Variants in BTN1A1 observed in about 807,000 individuals in gnomAD.
The protein encoded by BTN1A1 is bK14H9.2 (butyrophilin, subfamily 1, member A1).
In BTN1A1, 26 loss-of-function variants were observed where a neutral mutation model predicts 33.1. The observed-to-expected ratio is 0.79, with a 90% CI of 0.58 to 1.09. The LOEUF is 1.09. Ranked by LOEUF, BTN1A1 falls within the 50% of genes least tolerant of loss-of-function variation. The probability of loss-of-function intolerance (pLI) is 0.00; values close to 1 mark genes in which losing one functional copy is unlikely to be tolerated. For missense variants in BTN1A1, 558 were observed against 655.7 expected (o/e 0.85, Z 1.63); for synonymous variants, 235 against 256.2 (o/e 0.92, Z 0.79).
At position 26,501,370 on chromosome 6, in the gene BTN1A1, G is replaced by GTC. The variant is rs112012632; in HGVS notation, c.79+19_79+20dup. The GTC allele has an allele frequency of 4.6e-3, 7,297 of 1,594,922 alleles. 142 individuals are homozygous for GTC. The highest frequency in any genetic ancestry group is 7.4e-4 in the Non-Finnish European group (858 of 1,165,744). On this transcript the variant is annotated splice_donor_region_variant and intron_variant, in intron 2 of 7. Transcript: ENST00000684113. The surrounding 1 kb of genome is among the most constrained non-coding windows in gnomAD (Gnocchi z 5.2). ...AGCTGCCCAAACTGGATTCAGGTAA[G>GTC]TCTCTCTCTCTCTCTGGGCTGCATA... is the stretch of plus-strand genomic sequence containing the variant.
Position 26,501,854 on chromosome 6 carries a change from G to A in BTN1A1, c.344G>A (p.Arg115Lys), listed in dbSNP as rs1284804698. 3 of 1,610,730 alleles carry A rather than the reference G, an allele frequency of 1.9e-6. No individual in the cohort carries two copies. Among genetic ancestry groups the A allele is most frequent in the Middle Eastern group, 3.3e-4 (2 of 6,046 alleles). Residue 115 changes from arginine to lysine, a missense_variant, in exon 3 of 8, where the codon AGA becomes AAA. Coordinates refer to ENST00000684113, the MANE Select transcript of BTN1A1 (RefSeq NM_001732.3). The surrounding 1 kb of genome is among the most constrained non-coding windows in gnomAD (Gnocchi z 5.2). ...GRVALRIRGVRVSDDGEYTCF... is the reference protein window; with the variant it reads ...GRVALRIRGVKVSDDGEYTCF... ...GTGGCCTTGAGGATCCGTGGCGTCAGAGTCTCTGACGACGGGGAGTACACG... is the reference window on the plus strand; with the variant it reads ...GTGGCCTTGAGGATCCGTGGCGTCAAAGTCTCTGACGACGGGGAGTACACG...
intron 5 of BTN1A1, among the ~76,000 whole-genome samples, chr6:26,507,721 T>TAAAAAAAA (rs1554139273): frequency 3.8e-4 from 56 of 147,932 alleles, no homozygotes; most frequent in African/African-American, 1.2e-3. Context: ...TGAGATTCTA[T>TAAAAAAAA]AAAAAAAAAA....
At position 26,508,185 on chromosome 6, in the gene BTN1A1, A is replaced by G. The variant is rs1581431149; in HGVS notation, c.907+98A>G. On this transcript the variant is annotated intron_variant, in intron 7 of 7. Coordinates refer to ENST00000684113, the MANE Select transcript of BTN1A1 (RefSeq NM_001732.3). ...AAATGAAAACACTAACACTTTAGTG[A>G]TGAGGACAGGAAGGGAAACGGTGAT... 60 of 1,384,524 alleles carry G rather than the reference A, an allele frequency of 4.3e-5. No individual in the cohort carries two copies. In the East Asian group the frequency reaches 1.3e-3, roughly 31 times the overall value. The allele number at this position is 1,384,524 out of a possible 1,614,324, so 85.8% of individuals were successfully genotyped here.
At chr6:26,506,547 G>A (rs1763872273) in intron 4 of BTN1A1, 136 bp from the exon 5 acceptor site, 2 of 857,328 alleles carry the variant, frequency 2.3e-6, no homozygotes, top group African/African-American at 1.7e-5. Flanking sequence ...TGGCATTGGA[G>A]TGACTATTTT....
At position 26,501,922 on chromosome 6, in the gene BTN1A1, C is replaced by A. The variant is rs758554223; in HGVS notation, c.412C>A (p.His138Asn). Residue 138 changes from histidine (H) to asparagine (N), a missense_variant, in exon 3 of 8, where the codon CAT becomes AAT. His to Asn is a moderately conservative substitution (Grantham distance 68). Transcript: ENST00000684113. The surrounding 1 kb of genome is among the most constrained non-coding windows in gnomAD (Gnocchi z 5.2). ...TGGAAGCTACGAAGAAGCCCTGGTG[C>A]ATCTGAAGGTGGCTGGTGAGTAGAC... Reference protein sequence around the residue: ...EDGSYEEALVHLKVAALGSDP... With the variant: ...EDGSYEEALVNLKVAALGSDP... 6.4e-7 allele frequency: 1 copy of A among 1,573,392 alleles called. No homozygotes were observed. Among genetic ancestry groups the A allele is most frequent in the East Asian group, 2.2e-5 (1 of 44,450 alleles).
chr6:26,501,526 T>C lies in BTN1A1; in HGVS notation c.80-64T>C. On this transcript the variant is annotated intron_variant, in intron 2 of 7. Transcript: ENST00000684113. The surrounding 1 kb of genome is among the most constrained non-coding windows in gnomAD (Gnocchi z 5.2). ...GGGGCACTGCGCTTTGGCGGGAATC[T>C]GGTCGGTGTCTGTCCGTAGTTCCCA... is the stretch of plus-strand genomic sequence containing the variant. 1.3e-6 allele frequency: 2 copies of C among 1,599,162 alleles called. No homozygotes were observed. The highest frequency in any genetic ancestry group is 1.7e-6 in the Non-Finnish European group (2 of 1,169,982).
chr6:26,508,217 T>C (rs745841459), intron 7 of BTN1A1, 130 bp downstream of exon 7: 59 of 1,227,934 alleles, frequency 4.8e-5, no homozygotes, highest in Non-Finnish European at 6.6e-5. Context: ...TGATGACAGA[T>C]GGCCTCAACA....
In BTN1A1 at chr6:26,509,222, C is replaced by G; in HGVS notation, c.*48C>G. On this transcript the variant is annotated 3_prime_UTR_variant, in exon 8 of 8. Transcript: ENST00000684113. ...TTCCTTTCCTCTAACCCCTCTCCTC[C>G]ATAGCCTTCTGAGGCTTCACCTGCT... 6.7e-7 allele frequency: 1 copy of G among 1,495,788 alleles called. No individual in the cohort carries two copies. The highest frequency in any genetic ancestry group is 9.1e-7 in the Non-Finnish European group (1 of 1,101,686). The allele number at this position is 1,495,788 out of a possible 1,614,324, so 92.7% of individuals were successfully genotyped here. A position where few individuals can be genotyped will look rare whatever the true frequency, so the allele number is the denominator to read the frequency against.
chr6:26,507,873 T>C, intron 5 of BTN1A1, 77 bp from the exon 6 acceptor site: 1 of 1,425,704 alleles, frequency 7.0e-7, no homozygotes, highest in Non-Finnish European at 9.8e-7. Flanking sequence ...CTCCTTTGTG[T>C]GTTTCCCACA....
intron 1 of BTN1A1, among the ~76,000 whole-genome samples, 192 bp downstream of exon 1, chr6:26,500,550 G>A (rs1021008024): frequency 9.9e-5 from 15 of 151,868 alleles, no homozygotes; most frequent in African/African-American, 3.6e-4. Flanking sequence ...TCATTTCCTT[G>A]GACTCCATTT....
intron 5 of BTN1A1, among the ~76,000 whole-genome samples, chr6:26,507,575 A>G (rs1763886960): frequency 6.6e-6 from 1 of 151,870 alleles, no homozygotes; most frequent in South Asian, 2.1e-4. Context: ...AAAATACAAA[A>G]TTTAGCCAGG....
chr6:26,509,256 C>G lies in BTN1A1; in HGVS notation c.*82C>G. On this transcript the variant is annotated 3_prime_UTR_variant, in exon 8 of 8. Transcript: ENST00000684113. ...CTGAGGCTTCACCTGCTAGCTTTAC[C>G]CAGTCTGTTTCTTCCTGTTGGGTGG... 2.3e-6 allele frequency: 3 copies of G among 1,303,604 alleles called. No individual in the cohort carries two copies. Among genetic ancestry groups the G allele is most frequent in the Non-Finnish European group, 3.2e-6 (3 of 944,228 alleles). 80.8% of individuals were successfully genotyped at this position (1,303,604 alleles called of 1,614,324 possible).
At chr6:26,500,954 T>A (rs1763790623) in intron 1 of BTN1A1, among the ~76,000 whole-genome samples, 2 of 152,274 alleles carry the variant, frequency 1.3e-5, no homozygotes, top group South Asian at 4.1e-4. Flanking sequence ...ACTTTTTTTT[T>A]AGTGCAGTGA....
In BTN1A1 at chr6:26,509,324, AGGGT is replaced by A. The variant is rs1460650739; in HGVS notation, c.*154_*157del. 5 of 765,524 alleles carry A rather than the reference AGGGT, an allele frequency of 6.5e-6. No individual in the cohort carries two copies. In the East Asian group the frequency reaches 1.3e-4, roughly 21 times the overall value. 47.4% of individuals were successfully genotyped at this position (765,524 alleles called of 1,614,324 possible). ...GAAGGTTACATTGCTGCTGCTAGAG[AGGGT>A]GGGGATTGCACCTTCCAAATCTGTT... On this transcript the variant is annotated 3_prime_UTR_variant, in exon 8 of 8. Coordinates refer to ENST00000684113, the MANE Select transcript of BTN1A1 (RefSeq NM_001732.3).
chr6:26,503,062 C>T (rs1763823614), intron 3 of BTN1A1, among the ~76,000 whole-genome samples: 2 of 152,098 alleles, frequency 1.3e-5, no homozygotes, highest in Admixed American at 6.6e-5. Context: ...CAGTGGCCAA[C>T]TCCTATAATC....
chr6:26,507,940 T>G lies in BTN1A1; in HGVS notation c.860-10T>G. 1 of 1,614,116 alleles carries G rather than the reference T, an allele frequency of 6.2e-7. No individual in the cohort carries two copies. Among genetic ancestry groups the G allele is most frequent in the Non-Finnish European group, 8.5e-7 (1 of 1,179,978 alleles). On this transcript the variant is annotated splice_polypyrimidine_tract_variant and intron_variant, in intron 5 of 7. Coordinates refer to ENST00000684113, the MANE Select transcript of BTN1A1 (RefSeq NM_001732.3). ...AGAAAGCCATTGAGGTATTTTTGTT[T>G]GTTTTCCAGAGAGACTCCTGGAAGA... is the stretch of plus-strand genomic sequence containing the variant.
Position 26,501,775 on chromosome 6 carries a change from C to A in BTN1A1, c.265C>A (p.Pro89Thr). ...DGREQEAEQM[P>T]EYRGRATLVQ... Reference sequence around the variant, plus strand: ...GCGCGAGCAGGAAGCCGAGCAGATGCCCGAGTACCGCGGGCGGGCGACGCT... The same window carrying A: ...GCGCGAGCAGGAAGCCGAGCAGATGACCGAGTACCGCGGGCGGGCGACGCT... The change falls in exon 3 of 8, where the codon CCC (proline) becomes ACC (threonine). Residue 89 changes from proline (P) to threonine (T), a missense_variant. Transcript: ENST00000684113. This position sits in a 1 kb window ranked among gnomAD's most constrained non-coding sequence, Gnocchi z 5.2. 6.2e-7 allele frequency: 1 copy of A among 1,613,694 alleles called. No individual in the cohort carries two copies. Among genetic ancestry groups the A allele is most frequent in the Non-Finnish European group, 8.5e-7 (1 of 1,179,954 alleles).
chr6:26,508,455 C>A (rs775105638), intron 7 of BTN1A1, 46 bp from the exon 8 acceptor site: 8 of 1,548,180 alleles, frequency 5.2e-6, no homozygotes, highest in Non-Finnish European at 7.0e-6. Flanking sequence ...AGTCCTGCAA[C>A]CTGTAATATT....
At chr6:26,500,751 C>T (rs1421146534) in intron 1 of BTN1A1, among the ~76,000 whole-genome samples, 1 of 152,044 alleles carries the variant, frequency 6.6e-6, no homozygotes, top group Non-Finnish European at 1.5e-5. Flanking sequence ...TCCGTCTCTA[C>T]TGAAAATACA....
Sources: allele counts gnomAD v4.1 joint callset (sites outside exome capture counted in the v4.1 genomes callset), GRCh38; gene constraint gnomAD v4.1.1; non-coding constraint Gnocchi (gnomAD v3.1); transcripts MANE v1.5; gene names NCBI Gene and HGNC (gene_info 2026-07-23, HGNC 2026-07-21).